CDH12: variants seen among roughly 807,000 people sequenced by gnomAD.
CDH12 encodes cadherin 12, also known as cadherin-12.
CDH12 carries 41 observed loss-of-function variants against 74.1 expected under a neutral mutation model. That is an observed-to-expected ratio of 0.55 (90% CI 0.43 to 0.72). The LOEUF (loss-of-function observed/expected upper bound fraction) is 0.72. Among genes scored for constraint, CDH12 ranks in the 30% least tolerant of loss-of-function variants. The probability of loss-of-function intolerance (pLI) is 0.00; values close to 1 mark genes in which losing one functional copy is unlikely to be tolerated. For synonymous variants in CDH12, 399 were observed against 355.0 expected, an observed-to-expected ratio of 1.12 and a Z score of -1.39; for missense variants, 945 against 977.2, an observed-to-expected ratio of 0.97 and a Z score of 0.44.
At chr5:22,566,513 C>A (rs2126758915) in intron 1 of CDH12, among the ~76,000 whole-genome samples, 1 of 152,180 alleles carries the variant, frequency 6.6e-6, no homozygotes, top group Non-Finnish European at 1.5e-5. Flanking sequence ...GCTGGGATTA[C>A]AGGTATGAGC....
intron 1 of CDH12, among the ~76,000 whole-genome samples, chr5:22,587,917 A>AAT (rs1332336826): frequency 6.7e-6 from 1 of 148,332 alleles, no homozygotes; most frequent in Non-Finnish European, 1.5e-5. Context: ...TGATATATAT[A>AAT]ATATATATAG....
chr5:22,268,806 C>T (rs966720837), intron 3 of CDH12, among the ~76,000 whole-genome samples: 3 of 152,058 alleles, frequency 2.0e-5, no homozygotes, highest in African/African-American at 7.2e-5. Context: ...AATTATTGAG[C>T]ACCTCCTATA....
intron 4 of CDH12, among the ~76,000 whole-genome samples, chr5:22,169,253 T>C (rs371234593): frequency 6.6e-6 from 1 of 152,064 alleles, no homozygotes; most frequent in South Asian, 2.1e-4. Flanking sequence ...TATAAAGAGA[T>C]ACAGAATTTA....
At chr5:21,982,441 A>C (rs900269024) in intron 5 of CDH12, among the ~76,000 whole-genome samples, 37 of 151,636 alleles carry the variant, frequency 2.4e-4, no homozygotes, top group Non-Finnish European at 3.7e-4. Flanking sequence ...TTATATATCG[A>C]TATATAGAGA....
At chr5:22,535,751 C>G (rs879422880) in intron 1 of CDH12, among the ~76,000 whole-genome samples, 1 of 152,144 alleles carries the variant, frequency 6.6e-6, no homozygotes, top group Admixed American at 6.5e-5. Context: ...ACCATAGAAT[C>G]CTTCCTTACT....
intron 2 of CDH12, among the ~76,000 whole-genome samples, chr5:22,452,945 A>T (rs2126566439): frequency 6.6e-6 from 1 of 150,382 alleles, no homozygotes; most frequent in African/African-American, 2.4e-5. Flanking sequence ...TATATATTTT[A>T]AAAGAGGCAT....
chr5:22,416,752 T>C (rs963838115), intron 2 of CDH12, among the ~76,000 whole-genome samples: 2 of 152,186 alleles, frequency 1.3e-5, no homozygotes, highest in Non-Finnish European at 2.9e-5. Context: ...TTTTAGGTCA[T>C]AGCAAGGACC....
intron 5 of CDH12, among the ~76,000 whole-genome samples, chr5:22,009,939 C>CAAAAAAAAAAAAAAAAAAAAAAAAAAA (rs774589642): frequency 7.4e-5 from 4 of 54,338 alleles, no homozygotes; most frequent in African/African-American, 2.2e-4. Flanking sequence ...GAAACTGTCT[C>CAAAAAAAAAAAAAAAAAAAAAAAAAAA]AAAAAAAAAA....
At chr5:22,459,024 C>T (rs1580670741) in intron 2 of CDH12, among the ~76,000 whole-genome samples, 1 of 151,938 alleles carries the variant, frequency 6.6e-6, no homozygotes, top group Non-Finnish European at 1.5e-5. Context: ...AACTTTATTG[C>T]TATAATCACT....
intron 6 of CDH12, among the ~76,000 whole-genome samples, chr5:21,958,565 G>A (rs1026459617): frequency 1.2e-4 from 18 of 151,918 alleles, no homozygotes; most frequent in African/African-American, 3.4e-4. Flanking sequence ...TTTCCCCATC[G>A]CTCGTTTTTG....
chr5:22,585,307 C>A (rs909449737), intron 1 of CDH12, among the ~76,000 whole-genome samples: 1 of 152,094 alleles, frequency 6.6e-6, no homozygotes, highest in Non-Finnish European at 1.5e-5. Context: ...TCTTTTCTTG[C>A]TATTTAAAAG....
At chr5:22,751,182 C>T (rs973463886) in intron 1 of CDH12, among the ~76,000 whole-genome samples, 2 of 151,422 alleles carry the variant, frequency 1.3e-5, no homozygotes, top group East Asian at 3.9e-4. Context: ...TGGGTAATAC[C>T]TTAAAGAGGC....
At chr5:22,075,779 C>T (rs1742276607) in intron 5 of CDH12, among the ~76,000 whole-genome samples, 2 of 152,046 alleles carry the variant, frequency 1.3e-5, no homozygotes, top group African/African-American at 2.4e-5. Flanking sequence ...CCTAACCCCC[C>T]AAGTTGTCCA....
chr5:22,263,631 T>A (rs1041119569), intron 3 of CDH12, among the ~76,000 whole-genome samples: 1 of 152,132 alleles, frequency 6.6e-6, no homozygotes, highest in Non-Finnish European at 1.5e-5. Context: ...ATACAATTTT[T>A]AATTTCACCT....
intron 5 of CDH12, among the ~76,000 whole-genome samples, chr5:22,063,499 C>T (rs1741337085): frequency 6.6e-6 from 1 of 152,058 alleles, no homozygotes; most frequent in South Asian, 2.1e-4. Flanking sequence ...CTGATTGGTT[C>T]TACCCCTTTA....
intron 6 of CDH12, among the ~76,000 whole-genome samples, chr5:21,940,031 G>A (rs910589158): frequency 6.6e-6 from 1 of 151,926 alleles, no homozygotes; most frequent in African/African-American, 2.4e-5. Context: ...GACCAGGCTG[G>A]CCAACATGGT....
At chr5:22,460,444 C>T (rs1745452223) in intron 2 of CDH12, among the ~76,000 whole-genome samples, 1 of 151,524 alleles carries the variant, frequency 6.6e-6, no homozygotes, top group African/African-American at 2.4e-5. Flanking sequence ...CTCGGAAAGG[C>T]AAATACAGAC....
At chr5:22,552,823 A>T (rs116193117) in intron 1 of CDH12, among the ~76,000 whole-genome samples, 1,916 of 152,260 alleles carry the variant, frequency 0.013, 34 homozygotes, top group African/African-American at 0.043. Context: ...TTTTTATCCC[A>T]ATGGATTCTG....
chr5:22,851,717 A>T (rs1001681175), intron 1 of CDH12, among the ~76,000 whole-genome samples: 10 of 152,202 alleles, frequency 6.6e-5, no homozygotes, highest in African/African-American at 2.4e-4. Flanking sequence ...TGGTTTGGGC[A>T]AAGTAACCAT....
Sources: allele counts gnomAD v4.1 joint callset (sites outside exome capture counted in the v4.1 genomes callset), GRCh38; gene constraint gnomAD v4.1.1; transcripts MANE v1.5; gene names NCBI Gene and HGNC (gene_info 2026-07-23, HGNC 2026-07-21).